The following GLIS3 variants were observed in gnomAD, a reference collection of about 807,000 sequenced individuals.
The protein encoded by GLIS3 is zinc finger protein GLIS3.
A neutral mutation model predicts 78.6 loss-of-function variants in GLIS3; 53 were observed. The observed-to-expected ratio is 0.67, with a 90% confidence interval of 0.54 to 0.85. The LOEUF is 0.85. GLIS3 is among the 40% of genes least tolerant of loss of function. The probability of loss-of-function intolerance (pLI) is 0.00; values close to 1 mark genes in which losing one functional copy is unlikely to be tolerated. For synonymous variants in GLIS3, 684 were observed against 509.9 expected (o/e 1.34, Z -4.60); for missense variants, 1,703 against 1,231.1 (o/e 1.38, Z -5.74).
intron 2 of GLIS3, among the ~76,000 whole-genome samples, chr9:4,196,593 TG>T (rs1818873971): frequency 6.6e-6 from 1 of 151,906 alleles, no homozygotes; most frequent in African/African-American, 2.4e-5. Flanking sequence ...CCTTAAGAGC[TG>T]TAACACTCAC....
intron 2 of GLIS3, among the ~76,000 whole-genome samples, chr9:4,195,766 T>G (rs1818775867): frequency 6.6e-6 from 1 of 152,200 alleles, no homozygotes; most frequent in Non-Finnish European, 1.5e-5. Context: ...TTGGAGAACT[T>G]TTATGTCTAG....
At position 4,322,960 on chromosome 9, in the gene GLIS3, G is replaced by T. The variant is rs889829298; in HGVS notation, n.265-12432C>A. ...TTTGGCTTTTGTTGCCATTGCTTTT[G>T]GTGTTTTAGTCATGAAGTCCTTGCC... On this transcript the variant is annotated intron_variant and non_coding_transcript_variant, in intron 2 of 4. Transcript: ENST00000471664. Among the ~76,000 whole-genome samples the T allele has an allele frequency of 6.6e-5, 10 of 152,104 alleles. 1 individual carries two copies. The highest frequency in any genetic ancestry group is 1.5e-5 in the Non-Finnish European group (1 of 68,018).
At chr9:4,401,571 C>CTTTTCTTTTTTTTTTTTTTTTTTT in the GLIS3 span, among the ~76,000 whole-genome samples, 1 of 120,670 alleles carries the variant, frequency 8.3e-6, no homozygotes, top group African/African-American at 3.0e-5. Flanking sequence ...TCCTTTCTTT[C>CTTTTCTTTTTTTTTTTTTTTTTTT]TTTTTTTTTT....
chr9:4,139,663 G>A (rs766360957), intron 2 of GLIS3, among the ~76,000 whole-genome samples: 1 of 152,160 alleles, frequency 6.6e-6, no homozygotes, highest in Non-Finnish European at 1.5e-5. Context: ...TGGAAAGCAT[G>A]GAAGGGGTGG....
rs183603066 is a variant in GLIS3 at position 3,931,331 on chromosome 9, A to G, written c.1983+1029T>C. On this transcript the variant is annotated intron_variant, in intron 6 of 10. Transcript: ENST00000381971. Reference sequence around the variant, plus strand: ...CAAGAAGACTATAGAGCATTTCCCAACATAAAAGTGTTAAATCCCCATAAA... The same window carrying G: ...CAAGAAGACTATAGAGCATTTCCCAGCATAAAAGTGTTAAATCCCCATAAA... Among the ~76,000 whole-genome samples the G allele has an allele frequency of 2.9e-4, 44 of 152,280 alleles. 1 individual carries two copies. The East Asian group carries it at 8.5e-3, about 29-fold the overall frequency.
At chr9:4,204,596 G>A (rs1819686979) in intron 2 of GLIS3, among the ~76,000 whole-genome samples, 1 of 152,070 alleles carries the variant, frequency 6.6e-6, no homozygotes, top group African/African-American at 2.4e-5. Context: ...AAGATGGAAG[G>A]GAGTTGATAC....
At chr9:4,030,396 T>A (rs1279117728) in intron 4 of GLIS3, among the ~76,000 whole-genome samples, 2 of 152,198 alleles carry the variant, frequency 1.3e-5, no homozygotes, top group Admixed American at 6.5e-5. Flanking sequence ...ATTCTGTGAG[T>A]TGTCTCTTCA....
At chr9:4,017,180 G>A (rs971951415) in intron 4 of GLIS3, among the ~76,000 whole-genome samples, 1 of 152,124 alleles carries the variant, frequency 6.6e-6, no homozygotes, top group African/African-American at 2.4e-5. Flanking sequence ...CTACAGACTG[G>A]CTTTGTATAT....
At chr9:4,468,722 C>A in the GLIS3 span, among the ~76,000 whole-genome samples, 1 of 152,186 alleles carries the variant, frequency 6.6e-6, no homozygotes, top group Non-Finnish European at 1.5e-5. Flanking sequence ...GAAGAAACTG[C>A]ATCAAATAAT....
At chr9:4,388,414 C>T in the GLIS3 span, among the ~76,000 whole-genome samples, 665 of 151,978 alleles carry the variant, frequency 4.4e-3, 4 homozygotes, top group African/African-American at 0.015. Flanking sequence ...TGTGGTGGCT[C>T]ACGCCTGTAA....
intron 2 of GLIS3, among the ~76,000 whole-genome samples, chr9:4,281,072 G>A (rs1827501903): frequency 6.6e-6 from 1 of 152,072 alleles, no homozygotes; most frequent in Non-Finnish European, 1.5e-5. Context: ...TGTACTAACA[G>A]CTTATTAGTC....
At chr9:4,330,722 G>T (rs374975732) in intron 2 of GLIS3, among the ~76,000 whole-genome samples, 37 of 152,276 alleles carry the variant, frequency 2.4e-4, no homozygotes, top group African/African-American at 8.9e-4. Context: ...TAGAGATTAA[G>T]TCGGAGGCAA....
the GLIS3 span, among the ~76,000 whole-genome samples, chr9:4,393,716 G>A: frequency 6.6e-6 from 1 of 152,150 alleles, no homozygotes. Context: ...ATTTTTGGCA[G>A]GAAAACTGAA....
intron 4 of GLIS3, among the ~76,000 whole-genome samples, chr9:3,975,922 T>TA (rs770314911): frequency 6.6e-6 from 1 of 152,100 alleles, no homozygotes; most frequent in Non-Finnish European, 1.5e-5. Context: ...AATCAGTAAC[T>TA]AAAAAAACTA....
chr9:3,960,799 T>C (rs1186655337), intron 4 of GLIS3, among the ~76,000 whole-genome samples: 1 of 152,200 alleles, frequency 6.6e-6, no homozygotes, highest in East Asian at 1.9e-4. Context: ...AAAATTTTGC[T>C]CTTTGCCCAA....
chr9:4,190,496 C>A (rs202091874), intron 2 of GLIS3, among the ~76,000 whole-genome samples: 4 of 119,956 alleles, frequency 3.3e-5, no homozygotes, highest in African/African-American at 1.0e-4. Flanking sequence ...AGAATAAAAA[C>A]AAACGAACAA....
At chr9:4,017,763 C>T (rs1262445573) in intron 4 of GLIS3, among the ~76,000 whole-genome samples, 2 of 152,174 alleles carry the variant, frequency 1.3e-5, no homozygotes, top group African/African-American at 4.8e-5. Context: ...CCTAAAAATA[C>T]ATGCTTCCAA....
chr9:3,948,712 G>A (rs950044851), intron 4 of GLIS3, among the ~76,000 whole-genome samples: 2 of 152,168 alleles, frequency 1.3e-5, no homozygotes, highest in Non-Finnish European at 2.9e-5. Flanking sequence ...TAATTATTTA[G>A]AGTAGTTGGC....
intron 4 of GLIS3, among the ~76,000 whole-genome samples, chr9:3,987,700 A>G (rs1465641960): frequency 1.3e-5 from 2 of 149,410 alleles, no homozygotes; most frequent in African/African-American, 2.5e-5. Context: ...AACGTTTAAA[A>G]AAAAAAAAGA....
Sources: gnomAD v4.1 joint callset for allele counts (sites outside exome capture counted in the v4.1 genomes callset) on GRCh38, gnomAD v4.1.1 for gene constraint, MANE v1.5 for transcripts, NCBI Gene and HGNC (gene_info 2026-07-23, HGNC 2026-07-21) for gene names.